Variants in SIPA1L3 observed in about 807,000 individuals in gnomAD.
SIPA1L3 encodes signal induced proliferation associated 1 like 3, also known as signal-induced proliferation-associated 1-like protein 3.
In SIPA1L3, 59 loss-of-function variants were observed where a neutral mutation model predicts 150.1. The ratio of observed to expected loss-of-function variants is 0.39; its 90% CI spans 0.32 to 0.49. The LOEUF (loss-of-function observed/expected upper bound fraction) is 0.49. Ranked by LOEUF, SIPA1L3 falls within the 20% of genes least tolerant of loss-of-function variation. The probability of loss-of-function intolerance (pLI) is 0.86; values close to 1 mark genes in which losing one functional copy is unlikely to be tolerated. For missense variants in SIPA1L3, 2,211 were observed against 2,489.5 expected, an observed-to-expected ratio of 0.89 and a Z score of 2.38; for synonymous variants, 1,070 against 1,077.6, an observed-to-expected ratio of 0.99 and a Z score of 0.14.
intron 8 of SIPA1L3, among the ~76,000 whole-genome samples, chr19:38,118,853 A>T (rs1314789895): frequency 6.6e-6 from 1 of 151,908 alleles, no homozygotes; most frequent in Non-Finnish European, 1.5e-5. Context: ...TTAGATTTCG[A>T]ATCTGGTTAG....
chr19:38,141,467 C>T, intron 11 of SIPA1L3, 32 bp downstream of exon 11: 1 of 1,589,852 alleles, frequency 6.3e-7, no homozygotes, highest in Non-Finnish European at 8.5e-7. Flanking sequence ...CAATACTTCC[C>T]AACCCCCACC....
intron 2 of SIPA1L3, among the ~76,000 whole-genome samples, chr19:38,048,547 A>G (rs913509416): frequency 3.9e-5 from 6 of 152,146 alleles, no homozygotes; most frequent in Non-Finnish European, 8.8e-5. Context: ...CCACATCCTG[A>G]TCACTCTTGA....
chr19:38,119,628 G>T lies in SIPA1L3; in HGVS notation c.2614G>T (p.Ala872Ser), dbSNP rs201424833. Reference sequence around the variant, plus strand: ...TGAGCAGCACAGTGCAGGGGCCATCGCCTGGAGGGTGGTGGCCCAGGACTA... The same window carrying T: ...TGAGCAGCACAGTGCAGGGGCCATCTCCTGGAGGGTGGTGGCCCAGGACTA... ...GAEQHSAGAI[A>S]WRVVAQDYAQ... The change falls in exon 9 of 22, where the codon GCC (alanine) becomes TCC (serine). Residue 872 changes from alanine (A) to serine (S), a missense_variant. Ala to Ser is a moderately conservative substitution (Grantham distance 99). Transcript: ENST00000222345. 4 of 1,614,204 alleles carry T rather than the reference G, an allele frequency of 2.5e-6. No individual in the cohort carries two copies. The highest frequency in any genetic ancestry group is 2.2e-5 in the South Asian group (2 of 91,090).
At chr19:37,963,589 C>A (rs1382631728) in intron 1 of SIPA1L3, among the ~76,000 whole-genome samples, 1 of 152,228 alleles carries the variant, frequency 6.6e-6, no homozygotes, top group Admixed American at 6.5e-5. Flanking sequence ...CCAAATTAAA[C>A]GCCACATGTT....
intron 8 of SIPA1L3, among the ~76,000 whole-genome samples, chr19:38,112,012 CATGCACACACACGT>C (rs1970769242): frequency 6.7e-6 from 1 of 148,608 alleles, no homozygotes; most frequent in Non-Finnish European, 1.5e-5. Flanking sequence ...CAGGCACACA[CATGCACACACACGT>C]ATGCACACAC....
chr19:38,064,886 T>A (rs1025700551), intron 2 of SIPA1L3, among the ~76,000 whole-genome samples: 3 of 152,168 alleles, frequency 2.0e-5, no homozygotes, highest in Non-Finnish European at 4.4e-5. Flanking sequence ...GTCTAGCTAG[T>A]TAAGTGATGG....
intron 3 of SIPA1L3, among the ~76,000 whole-genome samples, chr19:38,086,793 G>A (rs1205252899): frequency 6.6e-6 from 1 of 152,234 alleles, no homozygotes; most frequent in East Asian, 1.9e-4. Flanking sequence ...GTAGGGAAGA[G>A]AGATTGGGCT....
At chr19:38,077,126 C>A (rs1568535280) in intron 2 of SIPA1L3, among the ~76,000 whole-genome samples, 1 of 152,120 alleles carries the variant, frequency 6.6e-6, no homozygotes, top group African/African-American at 2.4e-5. Context: ...CAACCAGAGG[C>A]AGCAGATGAG....
At chr19:38,182,776 ATCCACACCAGGGCGTC>A in intron 16 of SIPA1L3, 36 bp downstream of exon 16, 1 of 1,535,334 alleles carries the variant, frequency 6.5e-7, no homozygotes, top group Non-Finnish European at 8.9e-7. Flanking sequence ...CGCCCGCCAG[ATCCACACCAGGGCGTC>A]TCCGGGGCGG....
chr19:38,023,866 G>A (rs1308343466), intron 1 of SIPA1L3, among the ~76,000 whole-genome samples: 2 of 152,248 alleles, frequency 1.3e-5, no homozygotes, highest in African/African-American at 2.4e-5. Context: ...GACAGAAACA[G>A]AAGAGAACCT....
chr19:38,159,437 C>G (rs937914423), intron 13 of SIPA1L3, among the ~76,000 whole-genome samples: 1 of 152,234 alleles, frequency 6.6e-6, no homozygotes, highest in Non-Finnish European at 1.5e-5. Context: ...AGGTCCCACT[C>G]CTGTAGTGGA....
At chr19:38,007,658 C>T (rs1000886248) in intron 1 of SIPA1L3, among the ~76,000 whole-genome samples, 1 of 151,126 alleles carries the variant, frequency 6.6e-6, no homozygotes, top group Admixed American at 6.6e-5. Context: ...TTAAGCATAC[C>T]CTGTTAGAGC....
rs1046741612 is a variant in SIPA1L3, at chr19:38,083,070, G to T, written c.1505G>T (p.Arg502Leu). Reference sequence around the variant, plus strand: ...ATCGAGCATGTGGACCTGGGCGCCCGCTACTACCAGGATTACTTCGTGGGC... The same window carrying T: ...ATCGAGCATGTGGACCTGGGCGCCCTCTACTACCAGGATTACTTCGTGGGC... ...YSIEHVDLGA[R>L]YYQDYFVGKE... Residue 502 changes from arginine (R) to leucine (L), a missense_variant, in exon 3 of 22, where the codon CGC becomes CTC. Transcript: ENST00000222345. 3.1e-6 allele frequency: 5 copies of T among 1,611,550 alleles called. No individual in the cohort carries two copies. Among genetic ancestry groups the T allele is most frequent in the Non-Finnish European group, 3.4e-6 (4 of 1,179,848 alleles).
intron 10 of SIPA1L3, among the ~76,000 whole-genome samples, chr19:38,136,691 G>A (rs1971444515): frequency 6.6e-6 from 1 of 152,200 alleles, no homozygotes; most frequent in African/African-American, 2.4e-5. Context: ...TCAGTCAAAT[G>A]CAGATCCTTG....
At chr19:37,943,877 A>AC (rs769856172) in intron 1 of SIPA1L3, among the ~76,000 whole-genome samples, 3 of 152,124 alleles carry the variant, frequency 2.0e-5, no homozygotes, top group Non-Finnish European at 2.9e-5. Context: ...AGGCCTCTTG[A>AC]CAAGGATTGT....
At chr19:37,991,398 A>G (rs1433831071) in intron 1 of SIPA1L3, among the ~76,000 whole-genome samples, 1 of 152,090 alleles carries the variant, frequency 6.6e-6, no homozygotes, top group Non-Finnish European at 1.5e-5. Context: ...CTCTCTGGGG[A>G]TGGGAGGAAG....
intron 8 of SIPA1L3, among the ~76,000 whole-genome samples, chr19:38,110,927 A>G (rs1970722537): frequency 6.8e-6 from 1 of 146,370 alleles, no homozygotes; most frequent in Non-Finnish European, 1.5e-5. Context: ...AAGAGGCACG[A>G]GTGATGGCCC....
Position 38,106,559 on chromosome 19 carries a change from C to A in SIPA1L3, c.2052C>A (p.Ser684=). Residue 684 remains serine, a synonymous_variant, in exon 7 of 22, where the codon TCC becomes TCA. Transcript: ENST00000222345. ...CAGCCGACTCCACGGGAACCCACTCCCTCTACACGATGTACCAGGACTACG... is the reference window on the plus strand; with the variant it reads ...CAGCCGACTCCACGGGAACCCACTCACTCTACACGATGTACCAGGACTACG... ...DVKTDSTGTH[S]LYTMYQDYEI... is the part of the protein sequence containing the mutation. 1 of 1,612,822 alleles carries A rather than the reference C, an allele frequency of 6.2e-7. No homozygotes were observed. The highest frequency in any genetic ancestry group is 1.7e-5 in the Admixed American group (1 of 59,920).
Position 38,065,915 on chromosome 19 carries a change from C to T in SIPA1L3, c.-310-15341C>T, listed in dbSNP as rs141697405. On this transcript the variant is annotated intron_variant, in intron 2 of 21. Transcript: ENST00000222345. ...CGGGTTTGATCTCTTATTTATTTAT[C>T]TATTTATTTATTTATTTATTTATTT... 3.6e-3 allele frequency among the ~76,000 whole-genome samples: 459 copies of T among 127,628 alleles called. 13 individuals carry two copies. The highest frequency in any genetic ancestry group is 9.9e-3 in the East Asian group (44 of 4,428). The allele number at this position is 127,628 out of a possible 152,430, so 83.7% of individuals were successfully genotyped here.
Sources: gnomAD v4.1 joint callset for allele counts (sites outside exome capture counted in the v4.1 genomes callset) on GRCh38, gnomAD v4.1.1 for gene constraint, MANE v1.5 for transcripts, NCBI Gene and HGNC (gene_info 2026-07-23, HGNC 2026-07-21) for gene names.